ERC2: variants seen among roughly 807,000 people sequenced by gnomAD.
The protein encoded by ERC2 is ERC protein 2.
A neutral mutation model predicts 114.8 loss-of-function variants in ERC2; 42 were observed. That is an observed-to-expected ratio of 0.37 (90% CI 0.29 to 0.47). The LOEUF (loss-of-function observed/expected upper bound fraction) is 0.47. ERC2 is among the 20% of genes least tolerant of loss of function. The pLI is 0.99. For missense variants in ERC2, 939 were observed against 1,150.7 expected (o/e 0.82, Z 2.66); for synonymous variants, 454 against 425.5 (o/e 1.07, Z -0.82).
chr3:55,835,809 G>A (rs62251595), intron 14 of ERC2, among the ~76,000 whole-genome samples: 1 of 151,810 alleles, frequency 6.6e-6, no homozygotes, highest in Non-Finnish European at 1.5e-5. Flanking sequence ...GAGGAAGTCA[G>A]ATTGTCCCTG....
intron 3 of ERC2, among the ~76,000 whole-genome samples, chr3:56,191,429 C>T (rs1333743054): frequency 1.3e-5 from 2 of 152,144 alleles, no homozygotes; most frequent in East Asian, 1.9e-4. Flanking sequence ...CACCAAGTGT[C>T]CTCTCTATGC....
intron 3 of ERC2, among the ~76,000 whole-genome samples, chr3:56,249,852 T>C (rs1011538098): frequency 2.3e-5 from 2 of 87,492 alleles, no homozygotes; most frequent in African/African-American, 8.6e-5. Flanking sequence ...CTGCATCAAA[T>C]TTCTTTTTTT....
intron 14 of ERC2, among the ~76,000 whole-genome samples, chr3:55,757,166 T>A (rs1033868326): frequency 3.3e-5 from 5 of 152,138 alleles, no homozygotes; most frequent in African/African-American, 1.2e-4. Context: ...GCATGGTAAA[T>A]TATTGTCATT....
At chr3:56,196,383 T>C (rs143999867) in intron 3 of ERC2, among the ~76,000 whole-genome samples, 102 of 152,232 alleles carry the variant, frequency 6.7e-4, no homozygotes, top group Middle Eastern at 3.4e-3. Flanking sequence ...AATTTAAGTA[T>C]ATTAAAAATA....
intron 14 of ERC2, among the ~76,000 whole-genome samples, chr3:55,744,796 C>T (rs965503382): frequency 6.6e-5 from 10 of 152,178 alleles, no homozygotes; most frequent in African/African-American, 2.4e-4. Flanking sequence ...TGTGTTTTGT[C>T]CAATTCTTTG....
intron 3 of ERC2, among the ~76,000 whole-genome samples, chr3:56,193,353 C>T (rs917421663): frequency 6.6e-5 from 10 of 152,004 alleles, no homozygotes; most frequent in African/African-American, 2.4e-4. Context: ...ACTGAAAATA[C>T]AAAAATTAGC....
At chr3:56,449,468 T>C (rs1035476443) in intron 1 of ERC2, among the ~76,000 whole-genome samples, 1 of 152,144 alleles carries the variant, frequency 6.6e-6, no homozygotes, top group Non-Finnish European at 1.5e-5. Context: ...TTTGAAATAA[T>C]TGAAAGGATG....
At chr3:55,829,742 C>T (rs1175748979) in intron 14 of ERC2, among the ~76,000 whole-genome samples, 1 of 152,124 alleles carries the variant, frequency 6.6e-6, no homozygotes, top group Non-Finnish European at 1.5e-5. Flanking sequence ...CTGGTCTCAT[C>T]TCAAACTCCT....
chr3:55,964,527 G>C (rs2068612759), intron 12 of ERC2, among the ~76,000 whole-genome samples: 1 of 151,592 alleles, frequency 6.6e-6, no homozygotes, highest in Non-Finnish European at 1.5e-5. Flanking sequence ...TTTAGGATCT[G>C]GTCCATCTGA....
chr3:56,051,791 A>C (rs2075778500), intron 7 of ERC2, among the ~76,000 whole-genome samples: 1 of 148,392 alleles, frequency 6.7e-6, no homozygotes, highest in Admixed American at 6.8e-5. Flanking sequence ...GCGCCACTGC[A>C]CTCCAGCCTG....
At chr3:56,455,748 G>A (rs9873381) in intron 1 of ERC2, among the ~76,000 whole-genome samples, 61,526 of 151,930 alleles carry the variant, frequency 0.4, 12,734 homozygotes, top group South Asian at 0.54. Flanking sequence ...GATAAACTAC[G>A]TCTCTCAGTT....
intron 7 of ERC2, among the ~76,000 whole-genome samples, chr3:56,053,687 C>T (rs1366033438): frequency 1.3e-5 from 2 of 151,790 alleles, no homozygotes; most frequent in Admixed American, 6.6e-5. Flanking sequence ...ATAGCTGCCC[C>T]GATGACTCCA....
intron 8 of ERC2, among the ~76,000 whole-genome samples, chr3:56,017,590 A>G (rs2073393112): frequency 6.6e-6 from 1 of 152,036 alleles, no homozygotes; most frequent in South Asian, 2.1e-4. Context: ...TCCCTCCACA[A>G]GGGCTCCTGG....
At chr3:56,281,143 A>T (rs1035276120) in intron 3 of ERC2, among the ~76,000 whole-genome samples, 1 of 152,230 alleles carries the variant, frequency 6.6e-6, no homozygotes, top group African/African-American at 2.4e-5. Context: ...GGACATTAAA[A>T]GTATAGAGGA....
chr3:56,213,186 T>G (rs1482966302), intron 3 of ERC2, among the ~76,000 whole-genome samples: 1 of 152,052 alleles, frequency 6.6e-6, no homozygotes, highest in Non-Finnish European at 1.5e-5. Flanking sequence ...GTGGGTGCGG[T>G]GCACCGAGCA....
At chr3:56,320,795 G>C (rs2057093508) in intron 2 of ERC2, among the ~76,000 whole-genome samples, 1 of 152,304 alleles carries the variant, frequency 6.6e-6, no homozygotes, top group South Asian at 2.1e-4. Context: ...CTGAGGTGGG[G>C]AGAGTGGGAG....
Position 55,765,630 on chromosome 3 carries a change from G to A in ERC2, c.2565-30712C>T, listed in dbSNP as rs185824947. 2.4e-3 allele frequency among the ~76,000 whole-genome samples: 364 copies of A among 152,332 alleles called. 1 individual carries two copies. The highest frequency in any genetic ancestry group is 3.9e-3 in the Non-Finnish European group (266 of 68,036). On this transcript the variant is annotated intron_variant, in intron 14 of 17. Transcript: ENST00000288221. ...CATGCTTCAGAGAGTTGAGTGGGTC[G>A]TTACTTGAGGCTTTTTTCCCTGAGG... is the stretch of plus-strand genomic sequence containing the variant.
chr3:55,702,410 T>A (rs1381086181), intron 15 of ERC2, among the ~76,000 whole-genome samples: 1 of 152,234 alleles, frequency 6.6e-6, no homozygotes, highest in African/African-American at 2.4e-5. Context: ...TTTTTATTTA[T>A]CTTGCTTGTA....
At chr3:55,833,760 T>C (rs1324317251) in intron 14 of ERC2, among the ~76,000 whole-genome samples, 1 of 152,036 alleles carries the variant, frequency 6.6e-6, no homozygotes, top group African/African-American at 2.4e-5. Flanking sequence ...CACATAACAA[T>C]ATTAACTTTA....
Sources: gnomAD v4.1 joint callset for allele counts (sites outside exome capture counted in the v4.1 genomes callset) on GRCh38, gnomAD v4.1.1 for gene constraint, MANE v1.5 for transcripts, NCBI Gene and HGNC (gene_info 2026-07-23, HGNC 2026-07-21) for gene names.